NDST3: variants seen among roughly 807,000 people sequenced by gnomAD.
The protein encoded by NDST3 is bifunctional heparan sulfate N-deacetylase/N-sulfotransferase 3.
A neutral mutation model predicts 96.1 loss-of-function variants in NDST3; 58 were observed. The observed-to-expected ratio is 0.60, with a 90% CI of 0.49 to 0.75. NDST3 has a LOEUF of 0.75. Ranked by LOEUF, NDST3 falls within the 30% of genes least tolerant of loss-of-function variation. The pLI, the probability that NDST3 is intolerant of heterozygous loss-of-function variation, is 0.00. For synonymous variants in NDST3, 333 were observed against 359.7 expected (o/e 0.93, Z 0.84); for missense variants, 788 against 1,034.2 (o/e 0.76, Z 3.27).
intron 6 of NDST3, among the ~76,000 whole-genome samples, chr4:118,157,577 C>A (rs1734799621): frequency 6.6e-6 from 1 of 151,988 alleles, no homozygotes; most frequent in South Asian, 2.1e-4. Flanking sequence ...TAGGTGCCAC[C>A]ATGCCCGGCT....
At chr4:118,237,778 T>C (rs1740738253) in intron 10 of NDST3, among the ~76,000 whole-genome samples, 1 of 152,166 alleles carries the variant, frequency 6.6e-6, no homozygotes, top group Non-Finnish European at 1.5e-5. Context: ...TAGCTACTTG[T>C]ACTAAAGAAA....
In NDST3 at chr4:118,226,816, T is replaced by C. The variant is rs1450069718; in HGVS notation, c.1723-70T>C. ...CTGGTATACTTTTAAAGAACACAAGTTGGAAAAGCTGGCACACAATGGACA... is the reference window on the plus strand; with the variant it reads ...CTGGTATACTTTTAAAGAACACAAGCTGGAAAAGCTGGCACACAATGGACA... On this transcript the variant is annotated intron_variant, in intron 7 of 13. Coordinates refer to ENST00000296499, the MANE Select transcript of NDST3 (RefSeq NM_004784.3). 5.6e-6 allele frequency: 6 copies of C among 1,063,424 alleles called. No individual in the cohort carries two copies. The Admixed American group carries it at 6.7e-5, about 12-fold the overall frequency. The allele number at this position is 1,063,424 out of a possible 1,614,324, so 65.9% of individuals were successfully genotyped here. A position where few individuals can be genotyped will look rare whatever the true frequency, so the allele number is the denominator to read the frequency against.
chr4:118,075,701 GAA>G (rs1305645405), intron 2 of NDST3, among the ~76,000 whole-genome samples: 2 of 152,146 alleles, frequency 1.3e-5, no homozygotes, highest in Admixed American at 6.5e-5. Flanking sequence ...GTCTTCTTTT[GAA>G]AAGTGTCTGT....
At chr4:118,215,819 G>A (rs1739160138) in intron 6 of NDST3, among the ~76,000 whole-genome samples, 1 of 152,066 alleles carries the variant, frequency 6.6e-6, no homozygotes, top group Admixed American at 6.6e-5. Flanking sequence ...AGAAGGACTT[G>A]AAAGAGTTCC....
intron 10 of NDST3, 79 bp from the exon 11 acceptor site, chr4:118,240,445 A>T: frequency 8.2e-7 from 1 of 1,225,548 alleles, no homozygotes; most frequent in Non-Finnish European, 1.1e-6. Context: ...TTTAGCTTTG[A>T]GACTTGTCAC....
At chr4:118,157,584 G>A (rs771737897) in intron 6 of NDST3, among the ~76,000 whole-genome samples, 9 of 151,768 alleles carry the variant, frequency 5.9e-5, no homozygotes, top group South Asian at 2.1e-4. Flanking sequence ...CACCATGCCC[G>A]GCTAATTTTT....
At chr4:118,049,082 C>T (rs755486296) in intron 1 of NDST3, among the ~76,000 whole-genome samples, 17 of 152,094 alleles carry the variant, frequency 1.1e-4, no homozygotes, top group Non-Finnish European at 2.1e-4. Context: ...CTCAAAACTA[C>T]ACAATTATAT....
chr4:118,045,826 AGC>A (rs1475173471), intron 1 of NDST3, among the ~76,000 whole-genome samples: 2 of 152,096 alleles, frequency 1.3e-5, no homozygotes, highest in African/African-American at 4.8e-5. Context: ...TGTACCAGCT[AGC>A]TTTTAGCCTG....
intron 2 of NDST3, among the ~76,000 whole-genome samples, chr4:118,097,188 A>C (rs529274570): frequency 1.3e-5 from 2 of 152,040 alleles, no homozygotes; most frequent in South Asian, 4.1e-4. Context: ...GTTCTCATGT[A>C]ATGTTAACCC....
At chr4:118,179,407 T>G (rs1736463301) in intron 6 of NDST3, among the ~76,000 whole-genome samples, 1 of 152,084 alleles carries the variant, frequency 6.6e-6, no homozygotes, top group African/African-American at 2.4e-5. Flanking sequence ...AAATTAGGTT[T>G]TTTTAATTAA....
chr4:118,053,905 TACA>T lies in NDST3; in HGVS notation c.-2_1del. 6.3e-7 allele frequency: 1 copy of T among 1,586,626 alleles called. No individual in the cohort carries two copies. The highest frequency in any genetic ancestry group is 2.2e-5 in the East Asian group (1 of 44,552). On this transcript the variant is annotated 5_prime_UTR_variant, in exon 2 of 14. Coordinates refer to ENST00000296499, the MANE Select transcript of NDST3 (RefSeq NM_004784.3). ...TGTTGGCATAGTTGGGGAAAGCACC[TACA>T]ACATGAGTTTTATCATGAAGCTTCA...
intron 2 of NDST3, among the ~76,000 whole-genome samples, chr4:118,093,428 A>C (rs1729042299): frequency 6.6e-6 from 1 of 151,786 alleles, no homozygotes; most frequent in South Asian, 2.1e-4. Flanking sequence ...CTGTGGCACA[A>C]TTTCTAATTT....
At position 118,142,883 on chromosome 4, in the gene NDST3, C is replaced by A. The variant is rs374467562; in HGVS notation, c.1411-673C>A. ...TATATACAAAGGATGAAGAGAAGACCTCTTACTAAATGACCTTTTATCATT... is the reference window on the plus strand; with the variant it reads ...TATATACAAAGGATGAAGAGAAGACATCTTACTAAATGACCTTTTATCATT... On this transcript the variant is annotated intron_variant, in intron 5 of 13. Coordinates refer to ENST00000296499, the MANE Select transcript of NDST3 (RefSeq NM_004784.3). Among the ~76,000 whole-genome samples, 120 of 152,198 alleles carry A rather than the reference C, an allele frequency of 7.9e-4. 1 individual carries two copies. The South Asian group carries it at 0.024, about 31-fold the overall frequency.
At chr4:118,151,409 TA>T (rs1165355756) in intron 6 of NDST3, among the ~76,000 whole-genome samples, 2 of 151,682 alleles carry the variant, frequency 1.3e-5, no homozygotes, top group Non-Finnish European at 2.9e-5. Flanking sequence ...AAAGAAATAT[TA>T]AAAAACAACA....
intron 6 of NDST3, among the ~76,000 whole-genome samples, chr4:118,189,060 CT>C (rs1171828390): frequency 1.3e-5 from 2 of 151,564 alleles, no homozygotes; most frequent in African/African-American, 4.8e-5. Context: ...TAAAATATAA[CT>C]TTTTTTTGAG....
In NDST3 at chr4:118,051,749, A is replaced by C. The variant is rs183765388; in HGVS notation, c.-155-2007A>C. On this transcript the variant is annotated intron_variant, in intron 1 of 13. Coordinates refer to ENST00000296499, the MANE Select transcript of NDST3 (RefSeq NM_004784.3). ...CCTGCCAAAATAGTCTCTTTATTAA[A>C]AGAAGACATACAAGTAGCCAACAAA... 2.0e-5 allele frequency among the ~76,000 whole-genome samples: 3 copies of C among 152,256 alleles called. No homozygotes were observed. The East Asian group carries it at 5.8e-4, about 29-fold the overall frequency.
chr4:118,204,129 G>T (rs923945649), intron 6 of NDST3, among the ~76,000 whole-genome samples: 1 of 152,092 alleles, frequency 6.6e-6, no homozygotes, highest in Non-Finnish European at 1.5e-5. Flanking sequence ...ACACAAATAT[G>T]TGGAGCTTTG....
intron 6 of NDST3, among the ~76,000 whole-genome samples, chr4:118,207,146 T>C (rs1738485239): frequency 7.8e-6 from 1 of 128,786 alleles, no homozygotes; most frequent in African/African-American, 3.0e-5. Context: ...TCTGGAAGAA[T>C]ACACACACAC....
At chr4:118,053,665 G>A (rs7436139) in intron 1 of NDST3, 91 bp from the exon 2 acceptor site, 304,679 of 381,562 alleles carry the variant, frequency 0.8, 126,106 homozygotes, top group South Asian at 0.9. Flanking sequence ...CATCTGCCAA[G>A]TACTCTGCCA....
Sources: allele counts gnomAD v4.1 joint callset (sites outside exome capture counted in the v4.1 genomes callset), GRCh38; gene constraint gnomAD v4.1.1; transcripts MANE v1.5; gene names NCBI Gene and HGNC (gene_info 2026-07-23, HGNC 2026-07-21).